Variants in LAMC3 observed in about 807,000 individuals in gnomAD.
LAMC3 encodes the protein laminin subunit gamma-3.
LAMC3 carries 128 observed loss-of-function variants against 173.8 expected under a neutral mutation model. That is an observed-to-expected ratio of 0.74 (90% CI 0.64 to 0.85). LAMC3 has a LOEUF of 0.85. Among genes scored for constraint, LAMC3 ranks in the 40% least tolerant of loss-of-function variants. LAMC3 has a pLI of 0.00. For synonymous variants in LAMC3, 897 were observed against 909.1 expected, an observed-to-expected ratio of 0.99 and a Z score of 0.24; for missense variants, 2,022 against 2,156.0, an observed-to-expected ratio of 0.94 and a Z score of 1.23.
rs1251666941 is a variant in LAMC3 at position 131,029,974 on chromosome 9, T to G, written c.679-2071T>G. Among the ~76,000 whole-genome samples, 1 of 149,842 alleles carries G rather than the reference T, an allele frequency of 6.7e-6. No individual in the cohort carries two copies. Among genetic ancestry groups the G allele is most frequent in the Admixed American group, 6.7e-5 (1 of 14,952 alleles). On this transcript the variant is annotated intron_variant, in intron 2 of 27. Coordinates refer to ENST00000361069, the MANE Select transcript of LAMC3 (RefSeq NM_006059.4). The surrounding 1 kb of genome is among the most constrained non-coding windows in gnomAD (Gnocchi z 4.6). ...TTTTTTTTTTTTGAGACAGTTTCGC[T>G]CTGTCGCCCAGGCTGGAGTGCAGTG...
In LAMC3 at chr9:131,024,637, A is replaced by C. The variant is rs1833686726; in HGVS notation, c.374-1648A>C. Among the ~76,000 whole-genome samples, 3 of 152,200 alleles carry C rather than the reference A, an allele frequency of 2.0e-5. No individual in the cohort carries two copies. The South Asian group carries it at 6.2e-4, about 32-fold the overall frequency. ...ATCTTCTGTGCTGCTCTGGGAAGTGAGAGGCTACTGCCAACGGTAGAGATG... is the reference window on the plus strand; with the variant it reads ...ATCTTCTGTGCTGCTCTGGGAAGTGCGAGGCTACTGCCAACGGTAGAGATG... On this transcript the variant is annotated intron_variant, in intron 1 of 27. Coordinates refer to ENST00000361069, the MANE Select transcript of LAMC3 (RefSeq NM_006059.4).
Position 131,082,084 on chromosome 9 carries a change from T to C in LAMC3, c.3953T>C (p.Leu1318Pro), listed in dbSNP as rs1830252758. ...CTGCACCAGGAGGCCAGAGCCGCCC[T>C]GACCCAGGCTTCCTCATCTGTCCAG... ...TKLHQEARAALTQASSSVQAA... is the reference protein window; with the variant it reads ...TKLHQEARAAPTQASSSVQAA... The change falls in exon 24 of 28, where the codon CTG (leucine) becomes CCG (proline). Residue 1318 changes from leucine to proline, a missense_variant. Transcript: ENST00000361069. The C allele has an allele frequency of 6.2e-7, 1 of 1,613,788 alleles. No homozygotes were observed. The highest frequency in any genetic ancestry group is 1.3e-5 in the African/African-American group (1 of 74,932).
At chr9:131,032,813 C>T (rs1833868282) in intron 3 of LAMC3, among the ~76,000 whole-genome samples, 1 of 152,210 alleles carries the variant, frequency 6.6e-6, no homozygotes, top group Non-Finnish European at 1.5e-5. Flanking sequence ...GGATTACAGG[C>T]ATGCGCCACC....
intron 13 of LAMC3, 63 bp from the exon 14 acceptor site, chr9:131,066,897 C>A: frequency 6.3e-7 from 1 of 1,597,948 alleles, no homozygotes; most frequent in African/African-American, 1.3e-5. Context: ...TGCTTCACAC[C>A]CACCCTCATC....
chr9:131,059,807 T>C (rs1318175329), intron 12 of LAMC3, among the ~76,000 whole-genome samples: 3 of 152,330 alleles, frequency 2.0e-5, no homozygotes, highest in Middle Eastern at 3.4e-3. Context: ...CCCCGCTGCC[T>C]AGGCTGAGAG....
chr9:131,011,839 G>A (rs938030685), intron 1 of LAMC3, among the ~76,000 whole-genome samples: 1 of 152,080 alleles, frequency 6.6e-6, no homozygotes, highest in Non-Finnish European at 1.5e-5. Context: ...CTCAGCCCAG[G>A]CACAAACAAG....
chr9:131,010,205 G>A (rs1331886793), intron 1 of LAMC3, among the ~76,000 whole-genome samples: 1 of 150,662 alleles, frequency 6.6e-6, no homozygotes, highest in Non-Finnish European at 1.5e-5. Flanking sequence ...CACACCTATG[G>A]TCCCAGCTAC....
At chr9:131,069,888 C>T (rs1379327908) in intron 17 of LAMC3, 38 bp downstream of exon 17, 1 of 1,548,498 alleles carries the variant, frequency 6.5e-7, no homozygotes, top group Admixed American at 1.9e-5. Context: ...TCCATTCATT[C>T]TGTATTCCCA....
At position 131,051,514 on chromosome 9, in the gene LAMC3, C is replaced by T. The variant is rs191582386; in HGVS notation, c.1631-977C>T. Among the ~76,000 whole-genome samples the T allele has an allele frequency of 3.8e-3, 582 of 152,138 alleles. 19 individuals carry two copies. The highest frequency in any genetic ancestry group is 0.01 in the East Asian group (53 of 5,176). ...GAGTAGCTGGGATTACAGGCACCCA[C>T]CACCATGCCCGGCTAATTTTTTGTA... On this transcript the variant is annotated intron_variant, in intron 9 of 27. Transcript: ENST00000361069.
At position 131,069,817 on chromosome 9, in the gene LAMC3, A is replaced by G. The variant is rs1588162878; in HGVS notation, c.3036A>G (p.Gln1012=). The change falls in exon 17 of 28, where the codon CAA becomes CAG. Residue 1012 remains glutamine (Q), a synonymous_variant. Coordinates refer to ENST00000361069, the MANE Select transcript of LAMC3 (RefSeq NM_006059.4). ...CGGCAGACGGCACACACTGCCAGCA[A>G]TGTCCGTCCTGCTACGCCCTGGTGA... is the stretch of plus-strand genomic sequence containing the variant. ...FLTADGTHCQ[Q]CPSCYALVKE... The G allele has an allele frequency of 1.9e-6, 3 of 1,594,494 alleles. No individual in the cohort carries two copies. Among genetic ancestry groups the G allele is most frequent in the Middle Eastern group, 3.4e-4 (2 of 5,938 alleles).
chr9:131,064,963 C>T (rs1022299858), intron 13 of LAMC3, among the ~76,000 whole-genome samples: 2 of 149,600 alleles, frequency 1.3e-5, no homozygotes, highest in Non-Finnish European at 2.9e-5. Flanking sequence ...ATCACTTGAA[C>T]CCAGTAGGTG....
chr9:131,018,415 G>A (rs2133212803), intron 1 of LAMC3, among the ~76,000 whole-genome samples: 1 of 152,088 alleles, frequency 6.6e-6, no homozygotes, highest in South Asian at 2.1e-4. Context: ...GATTACAGGT[G>A]TGAGCCACTG....
At chr9:131,046,458 C>T (rs1834160870) in intron 8 of LAMC3, among the ~76,000 whole-genome samples, 1 of 150,586 alleles carries the variant, frequency 6.6e-6, no homozygotes, top group South Asian at 2.1e-4. Flanking sequence ...GTCTGCCCAC[C>T]TCCGCCTCCC....
chr9:131,067,353 C>T (rs1290515070), intron 14 of LAMC3, 148 bp downstream of exon 14: 2 of 949,662 alleles, frequency 2.1e-6, no homozygotes, highest in Non-Finnish European at 3.3e-6. Flanking sequence ...AGGTCACTTC[C>T]CTTCCTGTCT....
chr9:131,025,325 C>T (rs940769240), intron 1 of LAMC3, among the ~76,000 whole-genome samples: 1 of 152,168 alleles, frequency 6.6e-6, no homozygotes, highest in Non-Finnish European at 1.5e-5. Context: ...TTCCCTCTAC[C>T]ACAGCCATCC....
chr9:131,052,704 TGA>T (rs769063369), intron 10 of LAMC3, 21 bp downstream of exon 10: 1 of 1,600,382 alleles, frequency 6.2e-7, no homozygotes, highest in Non-Finnish European at 8.6e-7. Flanking sequence ...CCTTCTGTCC[TGA>T]GAGATGGGGA....
At chr9:131,051,182 G>A (rs926190216) in intron 9 of LAMC3, among the ~76,000 whole-genome samples, 1 of 152,066 alleles carries the variant, frequency 6.6e-6, no homozygotes, top group Non-Finnish European at 1.5e-5. Context: ...CACCCCCCCA[G>A]TTCCCAAATA....
At chr9:131,017,745 G>T (rs78006375) in intron 1 of LAMC3, among the ~76,000 whole-genome samples, 1 of 121,908 alleles carries the variant, frequency 8.2e-6, no homozygotes, top group African/African-American at 3.1e-5. Context: ...AAAAAAAAAG[G>T]CCAGGTGCAG....
At chr9:131,090,288 T>A (rs1434840252) in intron 27 of LAMC3, among the ~76,000 whole-genome samples, 1 of 152,214 alleles carries the variant, frequency 6.6e-6, no homozygotes. Context: ...CTTGTCACAC[T>A]CTGTGTTGGC....
Sources: allele counts gnomAD v4.1 joint callset (sites outside exome capture counted in the v4.1 genomes callset), GRCh38; gene constraint gnomAD v4.1.1; non-coding constraint Gnocchi (gnomAD v3.1); transcripts MANE v1.5; gene names NCBI Gene and HGNC (gene_info 2026-07-23, HGNC 2026-07-21).